Variants in FOXN3 observed in about 807,000 individuals in gnomAD.
FOXN3 encodes forkhead box protein N3.
In FOXN3, 7 loss-of-function variants were observed where a neutral mutation model predicts 38.4. The ratio of observed to expected loss-of-function variants is 0.18; its 90% CI spans 0.10 to 0.34. The LOEUF (loss-of-function observed/expected upper bound fraction) is 0.34. Among genes scored for constraint, FOXN3 ranks in the 10% least tolerant of loss-of-function variants. FOXN3 has a pLI of 1.00. For synonymous variants in FOXN3, 230 were observed against 242.2 expected (o/e 0.95, Z 0.47); for missense variants, 456 against 613.4 (o/e 0.74, Z 2.71).
In FOXN3 at chr14:89,487,793, G is replaced by A. The variant is rs756799743; in HGVS notation, c.-14-75303C>T. 4.5e-4 allele frequency among the ~76,000 whole-genome samples: 68 copies of A among 152,208 alleles called. 1 individual carries two copies. Among genetic ancestry groups the A allele is most frequent in the Admixed American group, 3.3e-4 (5 of 15,284 alleles). On this transcript the variant is annotated intron_variant, in intron 1 of 6. Coordinates refer to the FOXN3 transcript ENST00000345097. ...GGCAGACCGTGTTATTTCTTATAAC[G>A]GCTGGAGAGTGTCAAGACAAAGGAG...
chr14:89,488,632 A>AG (rs947960088), intron 1 of FOXN3, among the ~76,000 whole-genome samples: 2 of 151,962 alleles, frequency 1.3e-5, no homozygotes, highest in African/African-American at 4.8e-5. Flanking sequence ...CTCAAAAAAA[A>AG]AAAAAAAACT....
intron 3 of FOXN3, among the ~76,000 whole-genome samples, chr14:89,313,792 T>C (rs185143478): frequency 5.0e-4 from 76 of 152,288 alleles, no homozygotes; most frequent in African/African-American, 1.7e-3. Context: ...CAAGAGAGTA[T>C]TACTCAGCCT....
chr14:89,272,573 T>C (rs2182475), intron 4 of FOXN3, among the ~76,000 whole-genome samples: 150,773 of 152,352 alleles, frequency 0.99, 74,617 homozygotes, highest in Middle Eastern at 1. Context: ...AAAATTAAGC[T>C]GCGAGCGGTG....
intron 4 of FOXN3, among the ~76,000 whole-genome samples, chr14:89,204,220 G>T (rs1436045685): frequency 2.0e-5 from 3 of 152,126 alleles, no homozygotes; most frequent in African/African-American, 7.2e-5. Flanking sequence ...GGAGACTTGG[G>T]ATACTTATTC....
At chr14:89,217,838 C>T (rs1313148684) in intron 4 of FOXN3, among the ~76,000 whole-genome samples, 1 of 152,216 alleles carries the variant, frequency 6.6e-6, no homozygotes, top group South Asian at 2.1e-4. Context: ...TGGGAGCCCT[C>T]CCCAATGCTG....
intron 3 of FOXN3, among the ~76,000 whole-genome samples, chr14:89,333,749 T>TTAAAAAAAAAA (rs1555418764): frequency 3.5e-5 from 2 of 57,266 alleles, no homozygotes. Flanking sequence ...GAGAGACTAT[T>TTAAAAAAAAAA]AAAAAAAAAA....
chr14:89,345,323 T>C (rs1182664034), intron 3 of FOXN3, among the ~76,000 whole-genome samples: 2 of 150,880 alleles, frequency 1.3e-5, no homozygotes, highest in Non-Finnish European at 2.9e-5. Flanking sequence ...ATATCTAAAA[T>C]TGATCAATGA....
Position 89,243,974 on chromosome 14 carries a change from T to A in FOXN3, c.745+36976A>T, listed in dbSNP as rs189526860. Among the ~76,000 whole-genome samples, 60 of 152,296 alleles carry A rather than the reference T, an allele frequency of 3.9e-4. No individual in the cohort carries two copies. In the Middle Eastern group the frequency reaches 0.02, roughly 52 times the overall value. ...GAATGAAAACAATAGAAAGCTATCT[T>A]CAGCCCTGGCTCCACAAGAAAAGCT... On this transcript the variant is annotated intron_variant, in intron 4 of 5. Coordinates refer to ENST00000557258, the MANE Select transcript of FOXN3 (RefSeq NM_005197.4).
chr14:89,553,195 C>T (rs1895042210), intron 1 of FOXN3, among the ~76,000 whole-genome samples: 1 of 144,026 alleles, frequency 6.9e-6, no homozygotes, highest in Non-Finnish European at 1.5e-5. Flanking sequence ...GCAGTGATGT[C>T]GCCACTGCAT....
chr14:89,277,827 G>A (rs1056744727), intron 4 of FOXN3, among the ~76,000 whole-genome samples: 2 of 151,986 alleles, frequency 1.3e-5, no homozygotes, highest in African/African-American at 2.4e-5. Context: ...TATTCTTCCC[G>A]TCGCTATACA....
At chr14:89,265,295 C>T (rs1885936747) in intron 4 of FOXN3, among the ~76,000 whole-genome samples, 1 of 152,230 alleles carries the variant, frequency 6.6e-6, no homozygotes, top group South Asian at 2.1e-4. Context: ...CCAAGCCCTA[C>T]TCTCTGTCCC....
At chr14:89,385,598 G>A (rs998271847) in intron 2 of FOXN3, among the ~76,000 whole-genome samples, 1 of 151,320 alleles carries the variant, frequency 6.6e-6, no homozygotes, top group Non-Finnish European at 1.5e-5. Context: ...ACCTGAGGTC[G>A]GGAGTTCAAG....
At chr14:89,180,280 C>T (rs928598217) in intron 5 of FOXN3, among the ~76,000 whole-genome samples, 8 of 152,268 alleles carry the variant, frequency 5.3e-5, no homozygotes, top group African/African-American at 7.2e-5. Flanking sequence ...TGATTTTCCC[C>T]GCAACCCCTG....
intron 5 of FOXN3, among the ~76,000 whole-genome samples, chr14:89,171,706 AT>A (rs1192429330): frequency 6.6e-6 from 1 of 152,232 alleles, no homozygotes; most frequent in Non-Finnish European, 1.5e-5. Flanking sequence ...CATGATAAAA[AT>A]ATCACAGCAA....
In FOXN3 at chr14:89,412,781, C is replaced by T. The variant is rs1019706977; in HGVS notation, c.-14-291G>A. Among the ~76,000 whole-genome samples the T allele has an allele frequency of 2.6e-5, 4 of 152,202 alleles. No homozygotes were observed. The highest frequency in any genetic ancestry group is 5.9e-5 in the Non-Finnish European group (4 of 68,038). ...AGGCACGGTGGCTCACGCCTGTAATCCCAGCACTTTGGGAGGCTGAGGCGG... is the reference window on the plus strand; with the variant it reads ...AGGCACGGTGGCTCACGCCTGTAATTCCAGCACTTTGGGAGGCTGAGGCGG... On this transcript the variant is annotated intron_variant, in intron 1 of 5. Transcript: ENST00000557258. The surrounding 1 kb of genome is among the most constrained non-coding windows in gnomAD (Gnocchi z 4.7).
chr14:89,286,741 G>C (rs1041370698), intron 3 of FOXN3, among the ~76,000 whole-genome samples: 8 of 152,336 alleles, frequency 5.3e-5, no homozygotes, highest in African/African-American at 1.9e-4. Context: ...TCTGAGTGAA[G>C]GATGTCACTC....
At chr14:89,179,602 G>T (rs546989695) in intron 5 of FOXN3, among the ~76,000 whole-genome samples, 44 of 152,302 alleles carry the variant, frequency 2.9e-4, no homozygotes, top group African/African-American at 1.1e-3. Context: ...CTGATTGAGA[G>T]CTAGCCCTCA....
At chr14:89,409,032 G>A (rs2140094604) in intron 2 of FOXN3, among the ~76,000 whole-genome samples, 1 of 152,302 alleles carries the variant, frequency 6.6e-6, no homozygotes, top group Non-Finnish European at 1.5e-5. Context: ...CTGGGAGCCT[G>A]CACCTCTCAC....
At position 89,180,712 on chromosome 14, in the gene FOXN3, T is replaced by G; in HGVS notation, c.840A>C (p.Thr280=). The part of the protein sequence containing the change: ...RPLPITPIGV[T]AAMRNGITSC... ...CACTCCCCACTTACCTCATGGCCGC[T>G]GTCACCCCAATGGGAGTGATTGGCA... The change falls in exon 5 of 6, where the codon ACA becomes ACC. Residue 280 remains threonine, a synonymous_variant. Coordinates refer to ENST00000557258, the MANE Select transcript of FOXN3 (RefSeq NM_005197.4). 1 of 1,608,762 alleles carries G rather than the reference T, an allele frequency of 6.2e-7. No individual in the cohort carries two copies. Among genetic ancestry groups the G allele is most frequent in the Non-Finnish European group, 8.5e-7 (1 of 1,177,326 alleles).
Sources: allele counts gnomAD v4.1 joint callset (sites outside exome capture counted in the v4.1 genomes callset), GRCh38; gene constraint gnomAD v4.1.1; non-coding constraint Gnocchi (gnomAD v3.1); transcripts MANE v1.5; gene names NCBI Gene and HGNC (gene_info 2026-07-23, HGNC 2026-07-21).